KCNH7: variants seen among roughly 807,000 people sequenced by gnomAD.
KCNH7 encodes the protein voltage-gated inwardly rectifying potassium channel KCNH7.
In KCNH7, 49 loss-of-function variants were observed where a neutral mutation model predicts 120.8. That is an observed-to-expected ratio of 0.41 (90% confidence interval 0.32 to 0.51). KCNH7 has a LOEUF of 0.51. Ranked by LOEUF, KCNH7 falls within the 20% of genes least tolerant of loss-of-function variation. KCNH7 has a pLI of 0.38. For synonymous variants in KCNH7, 547 were observed against 516.1 expected, an observed-to-expected ratio of 1.06 and a Z score of -0.81; for missense variants, 1,097 against 1,446.6, an observed-to-expected ratio of 0.76 and a Z score of 3.92.
chr2:162,468,760 G>C (rs1025303902), intron 6 of KCNH7, among the ~76,000 whole-genome samples: 1 of 151,624 alleles, frequency 6.6e-6, no homozygotes, highest in Non-Finnish European at 1.5e-5. Context: ...GACCTCCCAG[G>C]ATGGTCTCGA....
intron 2 of KCNH7, among the ~76,000 whole-genome samples, chr2:162,678,118 T>G (rs1235483630): frequency 6.6e-6 from 1 of 150,376 alleles, no homozygotes; most frequent in Admixed American, 6.6e-5. Context: ...CATACACGTG[T>G]GTGTATGTGT....
chr2:162,473,062 G>C (rs895062457), intron 6 of KCNH7, among the ~76,000 whole-genome samples: 1 of 151,940 alleles, frequency 6.6e-6, no homozygotes, highest in African/African-American at 2.4e-5. Context: ...CACACACCGG[G>C]GCCTGTTGTG....
At chr2:162,444,790 T>C (rs2105551709) in intron 7 of KCNH7, among the ~76,000 whole-genome samples, 1 of 152,268 alleles carries the variant, frequency 6.6e-6, no homozygotes, top group African/African-American at 2.4e-5. Context: ...TAAAGAAATA[T>C]TTCACTCTCT....
intron 2 of KCNH7, among the ~76,000 whole-genome samples, chr2:162,564,997 T>C (rs1019628623): frequency 2.0e-5 from 3 of 152,140 alleles, no homozygotes; most frequent in African/African-American, 7.2e-5. Flanking sequence ...GGATTAGTAA[T>C]GGTATATCCC....
chr2:162,718,660 T>C (rs1458310107), intron 2 of KCNH7, among the ~76,000 whole-genome samples: 1 of 152,034 alleles, frequency 6.6e-6, no homozygotes, highest in Non-Finnish European at 1.5e-5. Flanking sequence ...AGCCATGCTA[T>C]TGAATGGAAC....
Position 162,517,871 on chromosome 2 carries a change from T to A in KCNH7, c.751A>T (p.Met251Leu). The change falls in exon 4 of 16, where the codon ATG becomes TTG. Residue 251 changes from methionine to leucine, a missense_variant. By Grantham distance (15) the Met-to-Leu change is conservative. Around this residue, in one of 8 missense-constraint regions of KCNH7, gnomAD observed 362 missense variants for 372.2 expected, o/e 0.97. Coordinates refer to ENST00000332142, the MANE Select transcript of KCNH7 (RefSeq NM_033272.4). ...KRQWDRLYPD[M>L]LQSSSQLSHS... is the part of the protein sequence containing the mutation. ...GACAGCTGGGAACTTGACTGCAGCA[T>A]GTCAGGGTAGAGTCGGTCCCATTGC... 6.2e-7 allele frequency: 1 copy of A among 1,612,432 alleles called. No individual in the cohort carries two copies. Among genetic ancestry groups the A allele is most frequent in the Non-Finnish European group, 8.5e-7 (1 of 1,178,944 alleles).
rs566573476 is a variant in KCNH7, at chr2:162,726,213, G to T, written c.307+110324C>A. On this transcript the variant is annotated intron_variant, in intron 2 of 15. Coordinates refer to ENST00000332142, the MANE Select transcript of KCNH7 (RefSeq NM_033272.4). ...ATATTTTAAACAGTATTTTAAACTG[G>T]GTCATTTGTTCTGTAGGGTTTTCTG... Among the ~76,000 whole-genome samples, 7 of 151,710 alleles carry T rather than the reference G, an allele frequency of 4.6e-5. No homozygotes were observed. In the South Asian group the frequency reaches 8.4e-4, roughly 18 times the overall value.
intron 2 of KCNH7, among the ~76,000 whole-genome samples, chr2:162,607,274 T>TGGCTA (rs933035693): frequency 1.3e-4 from 19 of 150,750 alleles, no homozygotes; most frequent in African/African-American, 4.6e-4. Flanking sequence ...CCTGTAGTCT[T>TGGCTA]GGCTACTTGG....
At chr2:162,545,320 CT>C (rs1692442612) in intron 2 of KCNH7, among the ~76,000 whole-genome samples, 1 of 152,148 alleles carries the variant, frequency 6.6e-6, no homozygotes, top group Non-Finnish European at 1.5e-5. Flanking sequence ...CTCTGAAGTC[CT>C]ATTTTAGAGA....
chr2:162,569,858 C>A (rs1190729595), intron 2 of KCNH7, among the ~76,000 whole-genome samples: 1 of 116,678 alleles, frequency 8.6e-6, no homozygotes, highest in South Asian at 3.1e-4. Context: ...GATTCTTAAT[C>A]CTGAGTTCTA....
intron 2 of KCNH7, among the ~76,000 whole-genome samples, chr2:162,689,809 T>C (rs1686037088): frequency 6.6e-6 from 1 of 152,158 alleles, no homozygotes; most frequent in African/African-American, 2.4e-5. Flanking sequence ...TTCCAGTGGT[T>C]CTACTTAATA....
chr2:162,838,139 T>C (rs541100273), intron 1 of KCNH7, among the ~76,000 whole-genome samples: 5 of 152,370 alleles, frequency 3.3e-5, no homozygotes, highest in African/African-American at 1.2e-4. Flanking sequence ...TAAACCCATG[T>C]TATCCTAGCA....
rs34889198 is a variant in KCNH7 at position 162,734,539 on chromosome 2, GT to G, written c.307+101997del. Among the ~76,000 whole-genome samples, 23 of 152,010 alleles carry G rather than the reference GT, an allele frequency of 1.5e-4. 1 individual carries two copies. In the South Asian group the frequency reaches 1.9e-3, roughly 12 times the overall value. On this transcript the variant is annotated intron_variant, in intron 2 of 15. Transcript: ENST00000332142. ...GGGATGTATTTTGAAACATTATGCT[GT>G]TTTTTTCCACCATGATTCTCTTCAA... is the stretch of plus-strand genomic sequence containing the variant.
At chr2:162,666,113 G>C (rs1386104409) in intron 2 of KCNH7, among the ~76,000 whole-genome samples, 1 of 152,226 alleles carries the variant, frequency 6.6e-6, no homozygotes, top group East Asian at 1.9e-4. Flanking sequence ...GAGTTTAGGA[G>C]TTTAGATCCT....
chr2:162,574,139 A>G (rs576729290), intron 2 of KCNH7, among the ~76,000 whole-genome samples: 2 of 152,194 alleles, frequency 1.3e-5, no homozygotes, highest in African/African-American at 2.4e-5. Flanking sequence ...ACATAGGTGT[A>G]TTTTGCATCT....
Position 162,807,528 on chromosome 2 carries a change from G to C in KCNH7, c.307+29009C>G, listed in dbSNP as rs571939294. The stretch of plus-strand genomic sequence containing the variant: ...ATAGGAAGTAGAGATTCTGATACAA[G>C]TTTGTGGCTTTTTTGTATTTGAAAA... On this transcript the variant is annotated intron_variant, in intron 2 of 15. Coordinates refer to ENST00000332142, the MANE Select transcript of KCNH7 (RefSeq NM_033272.4). 2.1e-4 allele frequency among the ~76,000 whole-genome samples: 32 copies of C among 152,152 alleles called. No homozygotes were observed. In the East Asian group the frequency reaches 6.0e-3, roughly 28 times the overall value.
chr2:162,442,170 C>A (rs1199219621), intron 7 of KCNH7, among the ~76,000 whole-genome samples: 3 of 151,198 alleles, frequency 2.0e-5, no homozygotes, highest in Non-Finnish European at 4.4e-5. Context: ...GGACTACAGG[C>A]GCCCGCCACC....
In KCNH7 at chr2:162,687,956, C is replaced by T. The variant is rs564086668; in HGVS notation, c.307+148581G>A. On this transcript the variant is annotated intron_variant, in intron 2 of 15. Coordinates refer to ENST00000332142, the MANE Select transcript of KCNH7 (RefSeq NM_033272.4). ...TTCAACTAAAGCATATTTCACTGCA[C>T]GGTAAAACAATTAAAAAGCAAATTT... Among the ~76,000 whole-genome samples the T allele has an allele frequency of 8.6e-5, 13 of 152,046 alleles. No individual in the cohort carries two copies. In the East Asian group the frequency reaches 9.7e-4, roughly 11 times the overall value.
At chr2:162,710,632 A>C (rs1456346927) in intron 2 of KCNH7, among the ~76,000 whole-genome samples, 1 of 152,218 alleles carries the variant, frequency 6.6e-6, no homozygotes. Flanking sequence ...AGTTGTATGC[A>C]TGAATGCAGT....
Sources: allele counts gnomAD v4.1 joint callset (sites outside exome capture counted in the v4.1 genomes callset), GRCh38; gene constraint gnomAD v4.1.1; regional missense constraint gnomAD v4.1.1; transcripts MANE v1.5; gene names NCBI Gene and HGNC (gene_info 2026-07-23, HGNC 2026-07-21).